NTNG1: variants seen among roughly 807,000 people sequenced by gnomAD.
NTNG1 encodes the protein netrin G1.
A neutral mutation model predicts 54.0 loss-of-function variants in NTNG1; 16 were observed. The observed-to-expected ratio is 0.30, with a 90% CI of 0.20 to 0.45. The LOEUF (loss-of-function observed/expected upper bound fraction) is 0.45, where lower values mean the gene tolerates loss of function less well. Among genes scored for constraint, NTNG1 ranks in the 20% least tolerant of loss-of-function variants. The pLI is 1.00. For missense variants in NTNG1, 530 were observed against 678.7 expected, an observed-to-expected ratio of 0.78 and a Z score of 2.43; for synonymous variants, 255 against 263.1, an observed-to-expected ratio of 0.97 and a Z score of 0.30.
chr1:107,394,404 AC>A (rs1672552249), intron 3 of NTNG1, among the ~76,000 whole-genome samples: 1 of 151,764 alleles, frequency 6.6e-6, no homozygotes, highest in Non-Finnish European at 1.5e-5. Flanking sequence ...TTGGCTAATG[AC>A]TTCCAAACCC....
intron 2 of NTNG1, among the ~76,000 whole-genome samples, chr1:107,205,261 G>A (rs375531870): frequency 6.6e-6 from 1 of 152,092 alleles, no homozygotes; most frequent in African/African-American, 2.4e-5. Context: ...TCTGCTCCAG[G>A]TATGTAGATC....
chr1:107,335,839 C>T lies in NTNG1; in HGVS notation c.887+10917C>T, dbSNP rs562771004. On this transcript the variant is annotated intron_variant, in intron 3 of 7. Transcript: ENST00000370068. ...AAGAAAACAATTCCATTTACAATAGCGTAAAAATAATAAAATGGTTAAGAA... is the reference window on the plus strand; with the variant it reads ...AAGAAAACAATTCCATTTACAATAGTGTAAAAATAATAAAATGGTTAAGAA... 1.6e-4 allele frequency among the ~76,000 whole-genome samples: 24 copies of T among 151,746 alleles called. 1 individual carries two copies. The South Asian group carries it at 1.7e-3, about 10-fold the overall frequency.
At chr1:107,231,169 A>T (rs1661039917) in intron 2 of NTNG1, among the ~76,000 whole-genome samples, 1 of 152,230 alleles carries the variant, frequency 6.6e-6, no homozygotes, top group Admixed American at 6.5e-5. Context: ...AACTACCTGT[A>T]CAATAAAAGA....
intron 5 of NTNG1, among the ~76,000 whole-genome samples, chr1:107,417,099 C>A (rs1213590959): frequency 6.6e-6 from 1 of 152,056 alleles, no homozygotes; most frequent in Non-Finnish European, 1.5e-5. Context: ...TACCCATCAT[C>A]AAAATGCTCA....
At chr1:107,202,754 G>C (rs1658854380) in intron 2 of NTNG1, among the ~76,000 whole-genome samples, 2 of 151,826 alleles carry the variant, frequency 1.3e-5, no homozygotes, top group African/African-American at 4.8e-5. Flanking sequence ...ACCACAATCA[G>C]AATTCTAAAC....
At chr1:107,249,014 G>T (rs1057318554) in intron 2 of NTNG1, among the ~76,000 whole-genome samples, 3 of 147,706 alleles carry the variant, frequency 2.0e-5, no homozygotes, top group Non-Finnish European at 4.4e-5. Context: ...AAAAAAATTA[G>T]CTGGGCATGG....
chr1:107,152,487 A>G (rs575179750), intron 2 of NTNG1, among the ~76,000 whole-genome samples: 32 of 152,362 alleles, frequency 2.1e-4, no homozygotes, highest in East Asian at 1.9e-3. Context: ...TGGCTTAAAA[A>G]TGGCAAAATT....
At chr1:107,233,948 G>A (rs550157696) in intron 2 of NTNG1, among the ~76,000 whole-genome samples, 3 of 152,228 alleles carry the variant, frequency 2.0e-5, no homozygotes, top group Admixed American at 2.0e-4. Flanking sequence ...TTAGATCGAG[G>A]GGCGGATAAT....
intron 7 of NTNG1, among the ~76,000 whole-genome samples, chr1:107,477,208 T>A (rs1219348405): frequency 6.6e-6 from 1 of 152,186 alleles, no homozygotes; most frequent in African/African-American, 2.4e-5. Flanking sequence ...GAGTAGAGCC[T>A]CCTTGGAGCT....
intron 3 of NTNG1, among the ~76,000 whole-genome samples, chr1:107,350,688 G>T (rs1234652220): frequency 6.6e-6 from 1 of 152,164 alleles, no homozygotes; most frequent in Non-Finnish European, 1.5e-5. Flanking sequence ...TCTGTCATTT[G>T]TGACAACATT....
At chr1:107,215,266 T>C (rs1659875851) in intron 2 of NTNG1, among the ~76,000 whole-genome samples, 1 of 152,216 alleles carries the variant, frequency 6.6e-6, no homozygotes, top group Admixed American at 6.5e-5. Context: ...GTTTCAGGTC[T>C]TAGATTTATT....
chr1:107,397,978 A>G (rs189006925), intron 4 of NTNG1, among the ~76,000 whole-genome samples: 1 of 147,654 alleles, frequency 6.8e-6, no homozygotes, highest in Non-Finnish European at 1.5e-5. Flanking sequence ...ATACAGGTAC[A>G]CACACACACA....
At chr1:107,223,207 A>G (rs1048399970) in intron 2 of NTNG1, among the ~76,000 whole-genome samples, 1 of 152,070 alleles carries the variant, frequency 6.6e-6, no homozygotes, top group Non-Finnish European at 1.5e-5. Flanking sequence ...TGAGAATGGT[A>G]TCTACCTTTT....
chr1:107,309,269 A>G (rs2101830250), intron 2 of NTNG1, among the ~76,000 whole-genome samples: 1 of 152,258 alleles, frequency 6.6e-6, no homozygotes, highest in African/African-American at 2.4e-5. Flanking sequence ...CTGGCTCACA[A>G]TAGGGTCTCT....
At chr1:107,204,809 T>G (rs1460030541) in intron 2 of NTNG1, among the ~76,000 whole-genome samples, 1 of 152,122 alleles carries the variant, frequency 6.6e-6, no homozygotes, top group Non-Finnish European at 1.5e-5. Context: ...CCCTGCAATC[T>G]CTGTACATAC....
rs1570818651 is a variant in NTNG1 at position 107,382,903 on chromosome 1, A to G, written c.888-12251A>G. Among the ~76,000 whole-genome samples, 4 of 151,984 alleles carry G rather than the reference A, an allele frequency of 2.6e-5. No homozygotes were observed. In the East Asian group the frequency reaches 7.7e-4, roughly 29 times the overall value. On this transcript the variant is annotated intron_variant, in intron 3 of 7. Coordinates refer to ENST00000370068, the MANE Select transcript of NTNG1 (RefSeq NM_001113226.3). ...AGCTTTGCTAGGTGCACTCTTCTCT[A>G]TTGGAAATTATTTTATTTCTCAGAA...
intron 2 of NTNG1, among the ~76,000 whole-genome samples, chr1:107,200,793 T>C (rs1479389497): frequency 6.6e-6 from 1 of 151,886 alleles, no homozygotes; most frequent in Non-Finnish European, 1.5e-5. Flanking sequence ...TTTTATTCAT[T>C]CATTCAACAA....
intron 3 of NTNG1, among the ~76,000 whole-genome samples, chr1:107,376,437 A>AAAAAAAAAAAAAC (rs1671267462): frequency 2.0e-5 from 3 of 150,604 alleles, no homozygotes; most frequent in Non-Finnish European, 3.0e-5. Flanking sequence ...AACAAAAAAA[A>AAAAAAAAAAAAAC]AAAATTTGCT....
intron 2 of NTNG1, among the ~76,000 whole-genome samples, chr1:107,288,245 T>A (rs752439454): frequency 2.6e-5 from 4 of 152,088 alleles, no homozygotes; most frequent in Non-Finnish European, 5.9e-5. Flanking sequence ...CATAAGGGTC[T>A]AGGAGGATGT....
Sources: allele counts gnomAD v4.1 joint callset (sites outside exome capture counted in the v4.1 genomes callset), GRCh38; gene constraint gnomAD v4.1.1; transcripts MANE v1.5; gene names NCBI Gene and HGNC (gene_info 2026-07-23, HGNC 2026-07-21).